Variants in ARHGAP10 observed in about 807,000 individuals in gnomAD.
The protein encoded by ARHGAP10 is rho GTPase-activating protein 10.
Under a neutral mutation model 108.6 loss-of-function variants are expected in ARHGAP10, and 87 were observed. That is an observed-to-expected ratio of 0.80 (90% CI 0.67 to 0.96). The LOEUF is 0.96. Among genes scored for constraint, ARHGAP10 ranks in the 40% least tolerant of loss-of-function variants. The probability of loss-of-function intolerance (pLI) is 0.00; values close to 1 mark genes in which losing one functional copy is unlikely to be tolerated. For synonymous variants in ARHGAP10, 347 were observed against 341.1 expected (o/e 1.02, Z -0.19); for missense variants, 939 against 954.5 (o/e 0.98, Z 0.21).
chr4:147,891,130 A>G (rs1261427199), intron 10 of ARHGAP10, among the ~76,000 whole-genome samples: 6 of 152,230 alleles, frequency 3.9e-5, no homozygotes, highest in Non-Finnish European at 8.8e-5. Context: ...TCCTAGCTAT[A>G]CATTCAAGAG....
At chr4:147,945,023 A>G (rs1284451295) in intron 14 of ARHGAP10, among the ~76,000 whole-genome samples, 1 of 152,162 alleles carries the variant, frequency 6.6e-6, no homozygotes, top group African/African-American at 2.4e-5. Flanking sequence ...CATTGTGCAG[A>G]TGAAGATCTG....
At chr4:147,748,143 T>C (rs529786235) in intron 1 of ARHGAP10, among the ~76,000 whole-genome samples, 1 of 152,328 alleles carries the variant, frequency 6.6e-6, no homozygotes, top group East Asian at 1.9e-4. Context: ...GAAGTACAGT[T>C]ATGCTAAGAC....
intron 5 of ARHGAP10, chr4:147,863,391 C>T (rs913111226): frequency 2.0e-5 from 3 of 152,350 alleles, no homozygotes; most frequent in Admixed American, 6.5e-5. Context: ...GCCTGATGTC[C>T]TCAAGGTTTA....
At position 147,943,741 on chromosome 4, in the gene ARHGAP10, C is replaced by G. The variant is rs574564272; in HGVS notation, c.1304-2876C>G. On this transcript the variant is annotated intron_variant, in intron 14 of 22. Transcript: ENST00000336498. ...AGAACATGTATTCTGAATGAACCCT[C>G]CAAATGTATTTTCACATTTGAATCC... Among the ~76,000 whole-genome samples, 4 of 152,304 alleles carry G rather than the reference C, an allele frequency of 2.6e-5. No individual in the cohort carries two copies. The South Asian group carries it at 8.3e-4, about 32-fold the overall frequency.
At chr4:147,999,241 G>A (rs895088983) in intron 18 of ARHGAP10, among the ~76,000 whole-genome samples, 2 of 152,200 alleles carry the variant, frequency 1.3e-5, no homozygotes, top group African/African-American at 4.8e-5. Context: ...TAAATAAATA[G>A]CCAATCATCT....
intron 1 of ARHGAP10, among the ~76,000 whole-genome samples, chr4:147,766,952 G>A (rs1156264533): frequency 6.6e-6 from 1 of 151,242 alleles, no homozygotes; most frequent in Non-Finnish European, 1.5e-5. Context: ...AGATTCAAGC[G>A]ATTCTCCTGC....
At chr4:147,875,319 C>T (rs942994858) in intron 8 of ARHGAP10, among the ~76,000 whole-genome samples, 169 bp downstream of exon 8, 4 of 152,170 alleles carry the variant, frequency 2.6e-5, no homozygotes, top group Non-Finnish European at 4.4e-5. Context: ...GAAACACATT[C>T]CAGCCCTGGA....
intron 19 of ARHGAP10, among the ~76,000 whole-genome samples, chr4:148,025,707 A>G (rs1173048819): frequency 1.3e-5 from 2 of 152,188 alleles, no homozygotes; most frequent in Non-Finnish European, 2.9e-5. Context: ...TTTTACTGCC[A>G]GAAGAAGATG....
intron 20 of ARHGAP10, among the ~76,000 whole-genome samples, chr4:148,061,829 TC>T (rs1729633778): frequency 6.6e-6 from 1 of 152,146 alleles, no homozygotes; most frequent in Non-Finnish European, 1.5e-5. Context: ...TTAAAGATCT[TC>T]CTGTGGAGGC....
At chr4:147,942,472 A>G (rs1467242571) in intron 14 of ARHGAP10, among the ~76,000 whole-genome samples, 1 of 152,170 alleles carries the variant, frequency 6.6e-6, no homozygotes, top group Non-Finnish European at 1.5e-5. Context: ...AAAAGGGTAT[A>G]TGCTTAATCT....
intron 10 of ARHGAP10, among the ~76,000 whole-genome samples, chr4:147,889,307 C>T (rs1476018072): frequency 6.6e-6 from 1 of 150,906 alleles, no homozygotes; most frequent in East Asian, 1.9e-4. Context: ...TGGGTACCTT[C>T]TTTTTTTTTG....
chr4:148,044,347 A>C (rs1398306052), intron 19 of ARHGAP10, among the ~76,000 whole-genome samples: 1 of 152,092 alleles, frequency 6.6e-6, no homozygotes, highest in Non-Finnish European at 1.5e-5. Context: ...CGGTAGGAGT[A>C]AGTCAGGGAA....
intron 7 of ARHGAP10, among the ~76,000 whole-genome samples, chr4:147,869,357 C>T (rs566591439): frequency 1.2e-4 from 18 of 152,080 alleles, no homozygotes; most frequent in Admixed American, 2.0e-4. Context: ...GTTGGGGGGG[C>T]GTCTGTTTAC....
chr4:147,837,641 C>CTTTTTTTTTTTTTTT (rs1355564479), intron 3 of ARHGAP10, among the ~76,000 whole-genome samples: 1 of 14,714 alleles, frequency 6.8e-5, no homozygotes, highest in Admixed American at 1.1e-3. Context: ...TCTCTGGTCA[C>CTTTTTTTTTTTTTTT]TGTTTTTTTT....
At chr4:147,806,413 A>G (rs1731785737) in intron 1 of ARHGAP10, among the ~76,000 whole-genome samples, 2 of 151,408 alleles carry the variant, frequency 1.3e-5, no homozygotes, top group South Asian at 4.1e-4. Context: ...TGAATATTGT[A>G]TAATATATAA....
chr4:147,920,417 A>C (rs1457729754), intron 13 of ARHGAP10, among the ~76,000 whole-genome samples: 1 of 151,834 alleles, frequency 6.6e-6, no homozygotes, highest in Non-Finnish European at 1.5e-5. Flanking sequence ...TCTGGAAACA[A>C]AAACAAAAAA....
At chr4:147,788,440 C>T (rs1730983241) in intron 1 of ARHGAP10, among the ~76,000 whole-genome samples, 1 of 151,962 alleles carries the variant, frequency 6.6e-6, no homozygotes, top group South Asian at 2.1e-4. Flanking sequence ...GAGCAAGACT[C>T]CTTCTCAAAA....
At chr4:147,735,047 C>G (rs907057683) in intron 1 of ARHGAP10, among the ~76,000 whole-genome samples, 1 of 152,124 alleles carries the variant, frequency 6.6e-6, no homozygotes, top group South Asian at 2.1e-4. Context: ...TGGCTTGATG[C>G]TTTGAAGTCT....
chr4:147,776,891 G>A (rs938396823), intron 1 of ARHGAP10, among the ~76,000 whole-genome samples: 2 of 152,236 alleles, frequency 1.3e-5, no homozygotes, highest in African/African-American at 4.8e-5. Context: ...TCGTTAGGAC[G>A]ATAGTACTAT....
Sources: gnomAD v4.1 joint callset for allele counts (sites outside exome capture counted in the v4.1 genomes callset) on GRCh38, gnomAD v4.1.1 for gene constraint, MANE v1.5 for transcripts, NCBI Gene and HGNC (gene_info 2026-07-23, HGNC 2026-07-21) for gene names.